The following AGBL1 variants were observed in gnomAD, a reference collection of about 807,000 sequenced individuals.
The protein encoded by AGBL1 is cytosolic carboxypeptidase 4.
A neutral mutation model predicts 118.9 loss-of-function variants in AGBL1; 130 were observed. That is an observed-to-expected ratio of 1.09 (90% CI 0.95 to 1.26). The LOEUF (loss-of-function observed/expected upper bound fraction) is 1.26. AGBL1 is among the 50% of genes most tolerant of loss of function. The pLI, the probability that AGBL1 is intolerant of heterozygous loss-of-function variation, is 0.00. For missense variants in AGBL1, 1,584 were observed against 1,298.1 expected (o/e 1.22, Z -3.38); for synonymous variants, 555 against 478.9 (o/e 1.16, Z -2.08).
At chr15:86,131,950 A>G (rs1334875660) in intron 1 of AGBL1, among the ~76,000 whole-genome samples, 2 of 121,432 alleles carry the variant, frequency 1.6e-5, no homozygotes, top group East Asian at 4.8e-4. Flanking sequence ...CATGTCTCGA[A>G]AAAAAAAAAA....
At chr15:86,656,467 G>T (rs77643504) in intron 21 of AGBL1, among the ~76,000 whole-genome samples, 2,979 of 152,262 alleles carry the variant, frequency 0.02, 44 homozygotes, top group East Asian at 0.076. Flanking sequence ...GAAGTAACTT[G>T]CTGCTTGTTG....
In AGBL1 at chr15:86,803,674, G is replaced by A. The variant is rs1340614397; in HGVS notation, c.3159-103413G>A. Among the ~76,000 whole-genome samples the A allele has an allele frequency of 2.0e-5, 3 of 152,090 alleles. 1 individual carries two copies. The highest frequency in any genetic ancestry group is 7.2e-5 in the African/African-American group (3 of 41,422). ...TAAATGGTGTGGCAATATTGCTGTT[G>A]CTTCTTGGTAAGGACAAAATTCATC... is the stretch of plus-strand genomic sequence containing the variant. On this transcript the variant is annotated intron_variant, in intron 22 of 22. Coordinates refer to ENST00000614907, the MANE Select transcript of AGBL1 (RefSeq NM_001386094.1).
At chr15:86,891,520 C>T (rs1051986945) in intron 22 of AGBL1, among the ~76,000 whole-genome samples, 19 of 150,614 alleles carry the variant, frequency 1.3e-4, no homozygotes, top group African/African-American at 4.7e-4. Context: ...CTCATTTTAG[C>T]AATGACCCAC....
chr15:86,356,624 G>C (rs142477694), intron 17 of AGBL1, among the ~76,000 whole-genome samples: 41 of 152,276 alleles, frequency 2.7e-4, no homozygotes, highest in African/African-American at 9.6e-4. Flanking sequence ...CCATGTGTTT[G>C]ATGATCTTCT....
intron 6 of AGBL1, among the ~76,000 whole-genome samples, chr15:86,238,027 G>A (rs1037057681): frequency 6.6e-6 from 1 of 152,172 alleles, no homozygotes; most frequent in Non-Finnish European, 1.5e-5. Context: ...TCTGCATCCT[G>A]GTTCCTTCTT....
chr15:86,768,257 A>G (rs552254295), intron 22 of AGBL1, among the ~76,000 whole-genome samples: 1 of 151,990 alleles, frequency 6.6e-6, no homozygotes, highest in Non-Finnish European at 1.5e-5. Context: ...CTGGACACAA[A>G]CATCTCCATA....
chr15:86,903,583 G>A (rs1236218038), intron 22 of AGBL1, among the ~76,000 whole-genome samples: 2 of 152,142 alleles, frequency 1.3e-5, no homozygotes, highest in African/African-American at 4.8e-5. Flanking sequence ...GGCATTTTGA[G>A]TATTATCCTA....
chr15:87,025,246 G>C (rs542175076), intron 24 of AGBL1, among the ~76,000 whole-genome samples: 23 of 151,870 alleles, frequency 1.5e-4, no homozygotes, highest in African/African-American at 5.6e-4. Flanking sequence ...GACTCCTCCA[G>C]AAAGCTCCTA....
At chr15:86,773,359 CG>C (rs2078208468) in intron 22 of AGBL1, among the ~76,000 whole-genome samples, 1 of 151,934 alleles carries the variant, frequency 6.6e-6, no homozygotes, top group Non-Finnish European at 1.5e-5. Flanking sequence ...TTTCTCTCTC[CG>C]GAAATCTAAC....
intron 5 of AGBL1, among the ~76,000 whole-genome samples, chr15:86,178,526 C>T (rs2077512418): frequency 1.3e-5 from 2 of 152,094 alleles, no homozygotes; most frequent in African/African-American, 4.8e-5. Flanking sequence ...ACTATCAAAG[C>T]TCACCCAAGA....
chr15:86,668,344 GA>G (rs2085683432), intron 21 of AGBL1, among the ~76,000 whole-genome samples: 1 of 152,186 alleles, frequency 6.6e-6, no homozygotes, highest in South Asian at 2.1e-4. Context: ...CTTTAATTTA[GA>G]AAATGAATTT....
chr15:86,449,981 G>A (rs959318943), intron 18 of AGBL1, among the ~76,000 whole-genome samples: 3 of 152,076 alleles, frequency 2.0e-5, no homozygotes, highest in Non-Finnish European at 2.9e-5. Context: ...GGCATTTCAA[G>A]CTTCCCTTCT....
chr15:86,936,159 C>T (rs140074760), intron 23 of AGBL1, among the ~76,000 whole-genome samples: 40 of 152,222 alleles, frequency 2.6e-4, no homozygotes, highest in African/African-American at 9.6e-4. Flanking sequence ...CAGCCACACT[C>T]GAGAGAGCCC....
intron 22 of AGBL1, among the ~76,000 whole-genome samples, chr15:86,785,378 T>G (rs555827018): frequency 3.2e-4 from 45 of 139,234 alleles, no homozygotes; most frequent in African/African-American, 7.8e-4. Context: ...TTTTTTTTTT[T>G]GTTTTTGTTT....
intron 18 of AGBL1, among the ~76,000 whole-genome samples, chr15:86,508,086 A>T (rs975090722): frequency 6.9e-6 from 1 of 144,988 alleles, no homozygotes; most frequent in Non-Finnish European, 1.5e-5. Context: ...ATGCCCAGCT[A>T]ATTTTTTTTG....
At chr15:86,145,622 A>T (rs1178378865) in intron 3 of AGBL1, among the ~76,000 whole-genome samples, 1 of 152,190 alleles carries the variant, frequency 6.6e-6, no homozygotes, top group African/African-American at 2.4e-5. Context: ...TCCATTCAAC[A>T]TGCTGCTGAT....
chr15:86,982,499 T>C (rs184192531), intron 23 of AGBL1, among the ~76,000 whole-genome samples: 66 of 151,402 alleles, frequency 4.4e-4, no homozygotes, highest in African/African-American at 1.6e-3. Flanking sequence ...TACTTATACA[T>C]GGATTCTTTT....
At chr15:86,469,190 T>C (rs961291393) in intron 18 of AGBL1, among the ~76,000 whole-genome samples, 3 of 152,186 alleles carry the variant, frequency 2.0e-5, no homozygotes, top group African/African-American at 7.2e-5. Flanking sequence ...ACTCATACTG[T>C]CTAACTGAAA....
intron 5 of AGBL1, among the ~76,000 whole-genome samples, chr15:86,210,351 A>T (rs1251556675): frequency 1.3e-5 from 2 of 152,018 alleles, no homozygotes; most frequent in Non-Finnish European, 2.9e-5. Context: ...CCTGAATTTG[A>T]ATGTTGGCCT....
Sources: allele counts gnomAD v4.1 joint callset (sites outside exome capture counted in the v4.1 genomes callset), GRCh38; gene constraint gnomAD v4.1.1; transcripts MANE v1.5; gene names NCBI Gene and HGNC (gene_info 2026-07-23, HGNC 2026-07-21).